Variants in FER observed in about 807,000 individuals in gnomAD.
The protein encoded by FER is FER tyrosine kinase.
FER carries 63 observed loss-of-function variants against 111.0 expected under a neutral mutation model. That is an observed-to-expected ratio of 0.57 (90% confidence interval 0.46 to 0.70). The LOEUF (loss-of-function observed/expected upper bound fraction) is 0.70, where lower values mean the gene tolerates loss of function less well. Among genes scored for constraint, FER ranks in the 30% least tolerant of loss-of-function variants. The pLI, the probability that FER is intolerant of heterozygous loss-of-function variation, is 0.00. For synonymous variants in FER, 327 were observed against 313.9 expected (o/e 1.04, Z -0.44); for missense variants, 914 against 954.0 (o/e 0.96, Z 0.55).
intron 9 of FER, among the ~76,000 whole-genome samples, chr5:108,886,557 T>G (rs904673525): frequency 1.3e-5 from 2 of 151,554 alleles, no homozygotes; most frequent in Non-Finnish European, 3.0e-5. Context: ...CTTTGAGACT[T>G]TACATAACTT....
intron 11 of FER, among the ~76,000 whole-genome samples, chr5:108,950,112 A>T (rs1227341842): frequency 6.6e-6 from 1 of 152,098 alleles, no homozygotes; most frequent in African/African-American, 2.4e-5. Context: ...TGCTAAAGAT[A>T]GTGTCCCTTA....
rs1370802758 is a variant in FER, at chr5:109,194,147, C to G, written c.*6572C>G. 1 of 152,164 alleles carries G rather than the reference C, an allele frequency of 6.6e-6. No homozygotes were observed. Among genetic ancestry groups the G allele is most frequent in the Non-Finnish European group, 1.5e-5 (1 of 68,020 alleles). 9.4% of individuals were successfully genotyped at this position (152,164 alleles called of 1,614,324 possible). A position where few individuals can be genotyped will look rare whatever the true frequency, so the allele number is the denominator to read the frequency against. ...CACTAAAGAAATGTGTAAACACTAGCAATAATTGCTTTATCTTAAACTCCT... is the reference window on the plus strand; with the variant it reads ...CACTAAAGAAATGTGTAAACACTAGGAATAATTGCTTTATCTTAAACTCCT... On this transcript the variant is annotated 3_prime_UTR_variant, in exon 20 of 20. Transcript: ENST00000281092.
chr5:108,987,896 C>T (rs1354936172), intron 13 of FER, among the ~76,000 whole-genome samples: 4 of 152,076 alleles, frequency 2.6e-5, no homozygotes. Context: ...ATGCTTTCAA[C>T]TTTTTCCCAT....
At chr5:108,829,441 C>T (rs1759807877) in intron 3 of FER, among the ~76,000 whole-genome samples, 1 of 152,132 alleles carries the variant, frequency 6.6e-6, no homozygotes, top group African/African-American at 2.4e-5. Flanking sequence ...AGTTTAAGAC[C>T]ACCCTGAACA....
At chr5:108,924,949 A>G (rs1753536809) in intron 10 of FER, among the ~76,000 whole-genome samples, 1 of 152,108 alleles carries the variant, frequency 6.6e-6, no homozygotes, top group South Asian at 2.1e-4. Flanking sequence ...GAACAATGCT[A>G]TCACTTAGAT....
At chr5:109,090,933 A>G (rs929527434) in intron 16 of FER, among the ~76,000 whole-genome samples, 4 of 152,200 alleles carry the variant, frequency 2.6e-5, no homozygotes, top group African/African-American at 4.8e-5. Context: ...TTGGAGTGCT[A>G]TATTGCTTCT....
At chr5:109,000,567 G>C (rs1275483544) in intron 13 of FER, among the ~76,000 whole-genome samples, 1 of 151,944 alleles carries the variant, frequency 6.6e-6, no homozygotes, top group Non-Finnish European at 1.5e-5. Flanking sequence ...ATCTAAAATT[G>C]ACACCCTAAC....
chr5:108,927,402 A>G (rs1009276477), intron 10 of FER, among the ~76,000 whole-genome samples: 1 of 151,750 alleles, frequency 6.6e-6, no homozygotes, highest in African/African-American at 2.4e-5. Flanking sequence ...CTGGGACTAC[A>G]GGCGCCCGCC....
chr5:109,043,379 C>T (rs1664957248), intron 14 of FER, among the ~76,000 whole-genome samples: 1 of 152,000 alleles, frequency 6.6e-6, no homozygotes, highest in Non-Finnish European at 1.5e-5. Context: ...TTAAATTTAT[C>T]ACGAATGTTT....
chr5:109,061,282 A>T (rs944226429), intron 16 of FER, among the ~76,000 whole-genome samples: 5 of 152,148 alleles, frequency 3.3e-5, no homozygotes, highest in African/African-American at 1.2e-4. Flanking sequence ...TTTTCTCTTT[A>T]TAAAAGACAT....
chr5:108,936,079 C>T (rs192196368), intron 10 of FER, among the ~76,000 whole-genome samples: 53 of 152,050 alleles, frequency 3.5e-4, no homozygotes, highest in African/African-American at 1.1e-3. Context: ...ATTTAAATTT[C>T]GGCTGCTTGA....
intron 10 of FER, among the ~76,000 whole-genome samples, chr5:108,915,566 G>C (rs775312637): frequency 6.6e-6 from 1 of 150,806 alleles, no homozygotes; most frequent in African/African-American, 2.4e-5. Context: ...GAGCCTGAGC[G>C]TTGTTCTTAT....
At chr5:108,785,487 G>A (rs959896497) in intron 2 of FER, 1 of 570,672 alleles carries the variant, frequency 1.8e-6, no homozygotes, top group Admixed American at 1.9e-5. Context: ...TCTGTTGGTG[G>A]TCATTTGTTT....
intron 17 of FER, among the ~76,000 whole-genome samples, chr5:109,168,460 T>G (rs578177032): frequency 6.6e-5 from 10 of 151,928 alleles, no homozygotes; most frequent in Non-Finnish European, 1.3e-4. Flanking sequence ...TCACCAGTGG[T>G]TTAATCAGTC....
intron 13 of FER, among the ~76,000 whole-genome samples, chr5:108,965,816 A>G (rs151217218): frequency 2.0e-5 from 3 of 152,334 alleles, no homozygotes; most frequent in Non-Finnish European, 2.9e-5. Flanking sequence ...AACCCACATG[A>G]AAGTCTAGCA....
intron 13 of FER, among the ~76,000 whole-genome samples, chr5:108,980,026 G>C (rs1015352035): frequency 1.3e-5 from 2 of 151,150 alleles, no homozygotes; most frequent in Admixed American, 1.3e-4. Context: ...GAGAAGCACT[G>C]TTCTAAATTA....
chr5:108,916,073 C>T (rs114401207), intron 10 of FER, among the ~76,000 whole-genome samples: 3,446 of 152,134 alleles, frequency 0.023, 69 homozygotes, highest in Non-Finnish European at 0.036. Flanking sequence ...TAAACTGGAG[C>T]TGTACAAGGT....
At chr5:109,081,743 A>G (rs766979681) in intron 16 of FER, among the ~76,000 whole-genome samples, 1 of 152,042 alleles carries the variant, frequency 6.6e-6, no homozygotes, top group Non-Finnish European at 1.5e-5. Context: ...AGTTCTATGG[A>G]TGCTTAATTC....
intron 15 of FER, among the ~76,000 whole-genome samples, chr5:109,045,898 A>G (rs1686772801): frequency 6.6e-6 from 1 of 152,244 alleles, no homozygotes; most frequent in South Asian, 2.1e-4. Flanking sequence ...CACAGATGCC[A>G]GTCAGCCCTA....
Sources: allele counts gnomAD v4.1 joint callset (sites outside exome capture counted in the v4.1 genomes callset), GRCh38; gene constraint gnomAD v4.1.1; transcripts MANE v1.5; gene names NCBI Gene and HGNC (gene_info 2026-07-23, HGNC 2026-07-21).